Variants in MLYCD observed in about 807,000 individuals in gnomAD.
MLYCD encodes the protein malonyl-CoA decarboxylase.
MLYCD carries 27 observed loss-of-function variants against 35.8 expected under a neutral mutation model. The observed-to-expected ratio is 0.75, with a 90% CI of 0.56 to 1.04. The LOEUF (loss-of-function observed/expected upper bound fraction) is 1.04, where lower values mean the gene tolerates loss of function less well. Among genes scored for constraint, MLYCD ranks in the 50% least tolerant of loss-of-function variants. The probability of loss-of-function intolerance (pLI) is 0.00; values close to 1 mark genes in which losing one functional copy is unlikely to be tolerated. For synonymous variants in MLYCD, 403 were observed against 302.4 expected (o/e 1.33, Z -3.45); for missense variants, 917 against 665.1 (o/e 1.38, Z -4.17).
chr16:83,904,009 C>A (rs144380980), intron 1 of MLYCD, among the ~76,000 whole-genome samples: 1 of 152,168 alleles, frequency 6.6e-6, no homozygotes, highest in Non-Finnish European at 1.5e-5. Flanking sequence ...AACTGAGCAA[C>A]GGAGACTTCT....
Position 83,925,386 on chromosome 16 carries a change from C to CACTG in MLYCD, c.*9898_*9901dup. The CACTG allele has an allele frequency of 6.6e-6, 1 of 152,604 alleles. No homozygotes were observed. The allele number at this position is 152,604 out of a possible 1,614,324, so 9.5% of individuals were successfully genotyped here. On this transcript the variant is annotated 3_prime_UTR_variant, in exon 5 of 5. Transcript: ENST00000262430. ...CCCGTCCCCGGGCCCCTGGACAGAC[C>CACTG]ACTGGCCTTGTTCTCTTCATTTCCC...
Position 83,925,752 on chromosome 16 carries a change from T to G in MLYCD, c.*10263T>G, listed in dbSNP as rs1031253777. 1 of 152,696 alleles carries G rather than the reference T, an allele frequency of 6.5e-6. No homozygotes were observed. Among genetic ancestry groups the G allele is most frequent in the African/African-American group, 2.4e-5 (1 of 41,448 alleles). 9.5% of individuals were successfully genotyped at this position (152,696 alleles called of 1,614,324 possible). A position where few individuals can be genotyped will look rare whatever the true frequency, so the allele number is the denominator to read the frequency against. On this transcript the variant is annotated 3_prime_UTR_variant, in exon 5 of 5. Coordinates refer to ENST00000262430, the MANE Select transcript of MLYCD (RefSeq NM_012213.3). ...GCGTGGCACATGCTCCTCCCTCTTC[T>G]TGAAACGCTCTCCCCTCCCTGCCTC... is the stretch of plus-strand genomic sequence containing the variant.
At position 83,907,004 on chromosome 16, in the gene MLYCD, G is replaced by A. The variant is rs1195754505; in HGVS notation, c.546G>A (p.Leu182=). 1 of 1,614,128 alleles carries A rather than the reference G, an allele frequency of 6.2e-7. No individual in the cohort carries two copies. The highest frequency in any genetic ancestry group is 1.1e-5 in the South Asian group (1 of 91,078). ...CTTTTCAGGAAATGAATGGGGTGCT[G>A]AAAGGAATGCTCTCAGAATGGTTTT... ...GPDVREMNGV[L]KGMLSEWFSS... The change falls in exon 2 of 5, where the codon CTG becomes CTA. Residue 182 remains leucine, a synonymous_variant. Coordinates refer to ENST00000262430, the MANE Select transcript of MLYCD (RefSeq NM_012213.3).
intron 1 of MLYCD, among the ~76,000 whole-genome samples, chr16:83,905,403 C>T (rs1906938429): frequency 6.6e-6 from 1 of 152,016 alleles, no homozygotes; most frequent in Non-Finnish European, 1.5e-5. Flanking sequence ...TTATGAGTAA[C>T]AAAGACCCAA....
chr16:83,912,298 G>GA lies in MLYCD; in HGVS notation c.880dup (p.Thr294AsnfsTer60). 1.2e-6 allele frequency: 2 copies of GA among 1,614,194 alleles called. No individual in the cohort carries two copies. The highest frequency in any genetic ancestry group is 1.7e-6 in the Non-Finnish European group (2 of 1,180,028). The stretch of plus-strand genomic sequence containing the variant: ...CTGCGATCTTTTATTCCATCAGCTT[G>GA]ACCCAGCAGGGACTCCAAGGGGTGG... On this transcript the variant is annotated frameshift_variant, in exon 4 of 5. Coordinates refer to ENST00000262430, the MANE Select transcript of MLYCD (RefSeq NM_012213.3). LOFTEE classifies it high-confidence loss of function.
At chr16:83,911,295 C>A (rs1037800761) in intron 3 of MLYCD, among the ~76,000 whole-genome samples, 12 of 152,210 alleles carry the variant, frequency 7.9e-5, no homozygotes, top group African/African-American at 2.9e-4. Context: ...AATTTCAGAA[C>A]AATTTCAGAA....
At chr16:83,912,618 C>T in intron 4 of MLYCD, 1 of 528,664 alleles carries the variant, frequency 1.9e-6, no homozygotes, top group Non-Finnish European at 3.4e-6. Flanking sequence ...CAGTTGTATT[C>T]TGAGGTCATC....
At chr16:83,914,145 T>C (rs1460625408) in intron 4 of MLYCD, 1 of 152,280 alleles carries the variant, frequency 6.6e-6, no homozygotes, top group African/African-American at 2.4e-5. Context: ...TCAAAAAATA[T>C]CTATAGTGAG....
intron 1 of MLYCD, among the ~76,000 whole-genome samples, chr16:83,902,943 G>T (rs1407560422): frequency 6.6e-6 from 1 of 152,162 alleles, no homozygotes; most frequent in Non-Finnish European, 1.5e-5. Context: ...GTAGGTGTGG[G>T]TATGAGGATG....
intron 3 of MLYCD, among the ~76,000 whole-genome samples, chr16:83,909,860 C>T (rs893192132): frequency 3.4e-4 from 51 of 151,448 alleles, no homozygotes; most frequent in Non-Finnish European, 6.0e-4. Context: ...CTCGAACTCC[C>T]GACCTCAGGT....
Position 83,917,743 on chromosome 16 carries a change from T to TTAGCTTTTGGC in MLYCD, c.*2255_*2265dup, listed in dbSNP as rs1907473057. 6.6e-6 allele frequency: 1 copy of TTAGCTTTTGGC among 152,294 alleles called. No homozygotes were observed. The highest frequency in any genetic ancestry group is 6.5e-5 in the Admixed American group (1 of 15,282). 9.4% of individuals were successfully genotyped at this position (152,294 alleles called of 1,614,324 possible). A position where few individuals can be genotyped will look rare whatever the true frequency, so the allele number is the denominator to read the frequency against. ...ACCTGCTGGGCCTTACCGTCTTTGC[T>TTAGCTTTTGGC]TAGCTTTTGGCCTAGACCTTAAAGA... On this transcript the variant is annotated 3_prime_UTR_variant, in exon 5 of 5. Transcript: ENST00000262430.
At position 83,899,586 on chromosome 16, in the gene MLYCD, G is replaced by C; in HGVS notation, c.442G>C (p.Asp148His). 6.3e-7 allele frequency: 1 copy of C among 1,591,040 alleles called. No homozygotes were observed. Among genetic ancestry groups the C allele is most frequent in the Non-Finnish European group, 8.5e-7 (1 of 1,176,742 alleles). ...CCTCTTCCACCACATCAGCAAGCTG[G>C]ACGGCGGCGTGCGCTTCCTGGTGCA... ...RGLFHHISKL[D>H]GGVRFLVQLR... The change falls in exon 1 of 5, where the codon GAC becomes CAC. Residue 148 changes from aspartate to histidine, a missense_variant. Transcript: ENST00000262430.
intron 4 of MLYCD, 151 bp from the exon 5 acceptor site, chr16:83,914,805 G>C: frequency 8.5e-7 from 1 of 1,171,530 alleles, no homozygotes; most frequent in South Asian, 1.3e-5. Context: ...AAAGCTGCTT[G>C]AAAGAAGATA....
intron 3 of MLYCD, among the ~76,000 whole-genome samples, chr16:83,910,752 A>G (rs988105024): frequency 2.6e-5 from 4 of 151,632 alleles, no homozygotes; most frequent in Non-Finnish European, 2.9e-5. Context: ...GCTCCGTCCT[A>G]TGAACGACAG....
At position 83,914,982 on chromosome 16, in the gene MLYCD, T is replaced by A; in HGVS notation, c.975T>A (p.Phe325Leu). ...GAGAGTTTCCTCACCTTGGGGTGTT[T>A]TCAAGTCTGTCACCTATACCTGGTT... ...LQREFPHLGV[F>L]SSLSPIPGFT... Residue 325 changes from phenylalanine to leucine, a missense_variant, in exon 5 of 5, where the codon TTT becomes TTA. Coordinates refer to ENST00000262430, the MANE Select transcript of MLYCD (RefSeq NM_012213.3). The A allele has an allele frequency of 6.2e-7, 1 of 1,614,228 alleles. No individual in the cohort carries two copies.
chr16:83,903,452 C>G (rs1415506150), intron 1 of MLYCD, among the ~76,000 whole-genome samples: 3 of 152,208 alleles, frequency 2.0e-5, no homozygotes, highest in Non-Finnish European at 4.4e-5. Context: ...TTCTCAGCCT[C>G]TGCAGTGCTA....
rs8060065 is a variant in MLYCD, at chr16:83,906,697, G to C, written c.529-290G>C. ...GCTCACTATGGTGAACGAATTGGAA[G>C]ATATTATTTGATTTGGGCAACTTAG... is the stretch of plus-strand genomic sequence containing the variant. On this transcript the variant is annotated intron_variant, in intron 1 of 4. Coordinates refer to ENST00000262430, the MANE Select transcript of MLYCD (RefSeq NM_012213.3). Among the ~76,000 whole-genome samples the C allele has an allele frequency of 0.15, 22,125 of 152,168 alleles. 2,539 individuals carry two copies. Among genetic ancestry groups the C allele is most frequent in the African/African-American group, 0.31 (12,950 of 41,478 alleles).
rs979682129 is a variant in MLYCD at position 83,918,186 on chromosome 16, CAG to C, written c.*2700_*2701del. On this transcript the variant is annotated 3_prime_UTR_variant, in exon 5 of 5. Coordinates refer to ENST00000262430, the MANE Select transcript of MLYCD (RefSeq NM_012213.3). ...CTCCCGGTTTTATTTATCACTCAGG[CAG>C]AGTTTCTTAACCTTTTGTGAGTTAC... 4.5e-4 allele frequency: 69 copies of C among 152,370 alleles called. No homozygotes were observed. The highest frequency in any genetic ancestry group is 1.6e-3 in the African/African-American group (67 of 41,578). 9.4% of individuals were successfully genotyped at this position (152,370 alleles called of 1,614,324 possible).
At chr16:83,913,884 T>C (rs1355006307) in intron 4 of MLYCD, 3 of 150,284 alleles carry the variant, frequency 2.0e-5, no homozygotes, top group Non-Finnish European at 4.4e-5. Flanking sequence ...GAGAGGAACA[T>C]GGTGAGGAAA....
Sources: allele counts gnomAD v4.1 joint callset (sites outside exome capture counted in the v4.1 genomes callset), GRCh38; gene constraint gnomAD v4.1.1; transcripts MANE v1.5; gene names NCBI Gene and HGNC (gene_info 2026-07-23, HGNC 2026-07-21).